The following CREB5 variants were observed in gnomAD, a reference collection of about 807,000 sequenced individuals.
CREB5 encodes the protein cyclic AMP-responsive element-binding protein 5.
CREB5 carries 19 observed loss-of-function variants against 57.1 expected under a neutral mutation model. That is an observed-to-expected ratio of 0.33 (90% confidence interval 0.23 to 0.49). The LOEUF (loss-of-function observed/expected upper bound fraction) is 0.49, where lower values mean the gene tolerates loss of function less well. Among genes scored for constraint, CREB5 ranks in the 20% least tolerant of loss-of-function variants. CREB5 has a pLI of 0.99. For synonymous variants in CREB5, 238 were observed against 238.3 expected (o/e 1.00, Z 0.01); for missense variants, 579 against 671.6 (o/e 0.86, Z 1.52).
intron 1 of CREB5, among the ~76,000 whole-genome samples, chr7:28,310,090 T>G (rs1031045371): frequency 1.3e-5 from 2 of 151,794 alleles, no homozygotes; most frequent in South Asian, 4.2e-4. Context: ...CATTGGAGGG[T>G]GGACACAGAC....
chr7:28,591,965 T>C (rs1359445668), intron 5 of CREB5, among the ~76,000 whole-genome samples: 1 of 152,152 alleles, frequency 6.6e-6, no homozygotes, highest in Non-Finnish European at 1.5e-5. Flanking sequence ...TAGTCATAAA[T>C]TGGATGAAGC....
intron 1 of CREB5, among the ~76,000 whole-genome samples, chr7:28,336,132 A>G (rs1420148283): frequency 6.6e-6 from 1 of 152,150 alleles, no homozygotes; most frequent in Admixed American, 6.5e-5. Context: ...ATTAATGTTC[A>G]TCAGAGACAT....
At chr7:28,707,187 C>T (rs1217191495) in intron 5 of CREB5, among the ~76,000 whole-genome samples, 4 of 152,220 alleles carry the variant, frequency 2.6e-5, no homozygotes, top group Admixed American at 2.0e-4. Flanking sequence ...ATGCTTCACC[C>T]CCAAATTTAG....
intron 1 of CREB5, among the ~76,000 whole-genome samples, chr7:28,446,209 G>A (rs79926438): frequency 0.17 from 25,134 of 147,456 alleles, 2,288 homozygotes; most frequent in Non-Finnish European, 0.21. Flanking sequence ...CCCCCCAGCC[G>A]CCCCTCCCCT....
At chr7:28,638,264 GACACACACAC>G (rs56956362) in intron 5 of CREB5, among the ~76,000 whole-genome samples, 1 of 145,712 alleles carries the variant, frequency 6.9e-6, no homozygotes, top group African/African-American at 2.6e-5. Context: ...AAAGAAACTA[GACACACACAC>G]ACACACACAC....
intron 5 of CREB5, among the ~76,000 whole-genome samples, chr7:28,693,501 A>G (rs745399094): frequency 6.6e-6 from 1 of 151,952 alleles, no homozygotes; most frequent in Non-Finnish European, 1.5e-5. Context: ...TCTGCCCTCA[A>G]TGGGGCTTGT....
intron 2 of CREB5, among the ~76,000 whole-genome samples, chr7:28,493,727 A>G (rs1172107895): frequency 6.6e-6 from 1 of 152,204 alleles, no homozygotes; most frequent in African/African-American, 2.4e-5. Context: ...CAGTCCCACC[A>G]TGTGACCAGA....
chr7:28,719,622 T>C (rs1417835957), intron 6 of CREB5, among the ~76,000 whole-genome samples: 1 of 152,198 alleles, frequency 6.6e-6, no homozygotes, highest in Non-Finnish European at 1.5e-5. Flanking sequence ...TATACCTATT[T>C]TCCAGATGAG....
intron 1 of CREB5, among the ~76,000 whole-genome samples, chr7:28,478,361 T>G (rs1791167644): frequency 2.6e-5 from 4 of 151,150 alleles, no homozygotes; most frequent in Admixed American, 2.0e-4. Context: ...CATATTTATA[T>G]ATATTATATA....
At chr7:28,621,233 T>A (rs1797779329) in intron 5 of CREB5, among the ~76,000 whole-genome samples, 1 of 152,118 alleles carries the variant, frequency 6.6e-6, no homozygotes. Flanking sequence ...TCTGGTAGCA[T>A]AATTCTTGCC....
chr7:28,390,012 C>T (rs894563626), intron 1 of CREB5, among the ~76,000 whole-genome samples: 5 of 150,136 alleles, frequency 3.3e-5, no homozygotes, highest in African/African-American at 1.2e-4. Flanking sequence ...CTACAGTTCC[C>T]GGTCATAACG....
chr7:28,319,230 C>T (rs370186599), intron 1 of CREB5, among the ~76,000 whole-genome samples: 30 of 152,190 alleles, frequency 2.0e-4, no homozygotes, highest in East Asian at 1.2e-3. Context: ...TATAGAAGAT[C>T]GGTGGGTCAA....
At chr7:28,356,296 C>T (rs1786340800) in intron 1 of CREB5, among the ~76,000 whole-genome samples, 1 of 152,242 alleles carries the variant, frequency 6.6e-6, no homozygotes, top group African/African-American at 2.4e-5. Flanking sequence ...TCCACTTCCA[C>T]AGCTGCTATC....
At chr7:28,769,736 T>C (rs911864797) in intron 7 of CREB5, among the ~76,000 whole-genome samples, 6 of 152,172 alleles carry the variant, frequency 3.9e-5, no homozygotes, top group Admixed American at 2.0e-4. Flanking sequence ...AGTATGACCA[T>C]GGCTAAAATG....
chr7:28,712,988 C>A (rs1802481732), intron 5 of CREB5, among the ~76,000 whole-genome samples: 1 of 152,046 alleles, frequency 6.6e-6, no homozygotes, highest in Non-Finnish European at 1.5e-5. Context: ...AAGTAGTTTG[C>A]CAAATTAGGC....
intron 1 of CREB5, among the ~76,000 whole-genome samples, chr7:28,396,239 A>C (rs1002469405): frequency 6.6e-6 from 1 of 152,242 alleles, no homozygotes; most frequent in Non-Finnish European, 1.5e-5. Flanking sequence ...GATACATGGC[A>C]TGGTGCCTGA....
chr7:28,431,089 A>G (rs1406512446), intron 1 of CREB5, among the ~76,000 whole-genome samples: 1 of 152,192 alleles, frequency 6.6e-6, no homozygotes, highest in Non-Finnish European at 1.5e-5. Flanking sequence ...CTTCCCCAGG[A>G]GCAAGCAAGG....
intron 1 of CREB5, among the ~76,000 whole-genome samples, chr7:28,401,333 C>T (rs538182384): frequency 7.1e-4 from 108 of 152,032 alleles, no homozygotes; most frequent in African/African-American, 2.5e-3. Flanking sequence ...AGCCAATGGT[C>T]TTCCAGATGA....
At chr7:28,512,478 G>A (rs1223273507) in intron 4 of CREB5, among the ~76,000 whole-genome samples, 4 of 152,028 alleles carry the variant, frequency 2.6e-5, no homozygotes, top group Admixed American at 6.5e-5. Context: ...ATGGACAACT[G>A]GCATGTTGAT....
Sources: gnomAD v4.1 joint callset for allele counts (sites outside exome capture counted in the v4.1 genomes callset) on GRCh38, gnomAD v4.1.1 for gene constraint, MANE v1.5 for transcripts, NCBI Gene and HGNC (gene_info 2026-07-23, HGNC 2026-07-21) for gene names.